KANK1: variants seen among roughly 807,000 people sequenced by gnomAD.
KANK1 encodes the protein KN motif and ankyrin repeat domain-containing protein 1.
Under a neutral mutation model 106.2 loss-of-function variants are expected in KANK1, and 109 were observed. That is an observed-to-expected ratio of 1.03 (90% CI 0.88 to 1.20). The LOEUF (loss-of-function observed/expected upper bound fraction) is 1.20, where lower values mean the gene tolerates loss of function less well. Ranked by LOEUF, KANK1 falls within the 50% of genes most tolerant of loss-of-function variation. The pLI, the probability that KANK1 is intolerant of heterozygous loss-of-function variation, is 0.00. For synonymous variants in KANK1, 873 were observed against 652.2 expected, an observed-to-expected ratio of 1.34 and a Z score of -5.16; for missense variants, 2,399 against 1,710.7, an observed-to-expected ratio of 1.40 and a Z score of -7.10.
chr9:484,814 G>C (rs2058263482), intron 3 of KANK1, among the ~76,000 whole-genome samples: 1 of 152,116 alleles, frequency 6.6e-6, no homozygotes, highest in African/African-American at 2.4e-5. Flanking sequence ...GCAGAGAGAA[G>C]GACTTTCTGG....
intron 1 of KANK1, among the ~76,000 whole-genome samples, chr9:536,931 G>T (rs2060331487): frequency 6.6e-6 from 1 of 152,144 alleles, no homozygotes; most frequent in South Asian, 2.1e-4. Context: ...GGGTGCATCT[G>T]TTCCACCTGG....
At position 638,058 on chromosome 9, in the gene KANK1, C is replaced by G. The variant is rs544126616; in HGVS notation, c.-83-38832C>G. ...CACATCCAGGTTACATACAGATGCA[C>G]ACTGTTTAATAGCCAAGCTTATGCA... On this transcript the variant is annotated intron_variant, in intron 1 of 11. Coordinates refer to ENST00000382297, the MANE Select transcript of KANK1 (RefSeq NM_015158.5). Among the ~76,000 whole-genome samples the G allele has an allele frequency of 1.5e-4, 23 of 152,294 alleles. 1 individual carries two copies. Among genetic ancestry groups the G allele is most frequent in the Middle Eastern group, 3.4e-3 (1 of 294 alleles).
intron 2 of KANK1, among the ~76,000 whole-genome samples, chr9:703,660 A>G (rs1417224010): frequency 6.6e-6 from 1 of 152,118 alleles, no homozygotes; most frequent in Admixed American, 6.5e-5. Context: ...CTGTTAGTCC[A>G]AAAAGGCTTA....
chr9:722,247 G>A (rs192573155), intron 3 of KANK1, among the ~76,000 whole-genome samples: 1 of 152,268 alleles, frequency 6.6e-6, no homozygotes, highest in Admixed American at 6.5e-5. Flanking sequence ...GACGGGCCCT[G>A]AATTCTATTT....
At chr9:548,663 A>T (rs903120589) in intron 1 of KANK1, among the ~76,000 whole-genome samples, 2 of 152,226 alleles carry the variant, frequency 1.3e-5, no homozygotes, top group Non-Finnish European at 2.9e-5. Flanking sequence ...GTGTGTATAG[A>T]AAAAATGAAA....
intron 1 of KANK1, among the ~76,000 whole-genome samples, chr9:590,271 A>G (rs968931270): frequency 2.6e-5 from 4 of 152,174 alleles, no homozygotes; most frequent in African/African-American, 9.7e-5. Context: ...CTTTGTTATT[A>G]TAGTCAGGGA....
chr9:595,999 C>T lies in KANK1; in HGVS notation c.-83-80891C>T, dbSNP rs377676827. On this transcript the variant is annotated intron_variant, in intron 1 of 11. Transcript: ENST00000382297. The stretch of plus-strand genomic sequence containing the variant: ...TATTTGCATATACATAATGAAATTC[C>T]TTGGGGATGAGACACAAGTCTAAAT... 3.3e-5 allele frequency among the ~76,000 whole-genome samples: 5 copies of T among 151,854 alleles called. No individual in the cohort carries two copies. In the East Asian group the frequency reaches 9.6e-4, roughly 29 times the overall value.
chr9:742,342 A>T lies in KANK1; in HGVS notation c.3834A>T (p.Gly1278=), dbSNP rs10733535. Residue 1278 remains glycine, a synonymous_variant, in exon 10 of 12, where the codon GGA becomes GGT. Coordinates refer to ENST00000382297, the MANE Select transcript of KANK1 (RefSeq NM_015158.5). The part of the protein sequence containing the change: ...STALMCASEH[G]HVEIVKLLLA... ...CCCTCATGTGTGCCAGCGAGCACGG[A>T]CACGTGGAGATTGTCAAGCTGCTGC... 1 of 1,614,190 alleles carries T rather than the reference A, an allele frequency of 6.2e-7. No individual in the cohort carries two copies. Among genetic ancestry groups the T allele is most frequent in the Admixed American group, 1.7e-5 (1 of 60,036 alleles).
At chr9:552,882 C>T (rs770049449) in intron 1 of KANK1, among the ~76,000 whole-genome samples, 3 of 152,290 alleles carry the variant, frequency 2.0e-5, no homozygotes, top group Non-Finnish European at 2.9e-5. Context: ...CAGTGGCTCA[C>T]GCCTGTAATC....
chr9:510,679 T>C (rs753435474), intron 1 of KANK1, among the ~76,000 whole-genome samples: 1 of 152,198 alleles, frequency 6.6e-6, no homozygotes, highest in African/African-American at 2.4e-5. Flanking sequence ...CTATTCTTTT[T>C]CTGGAAGATA....
At chr9:721,854 A>G (rs1297207345) in intron 3 of KANK1, among the ~76,000 whole-genome samples, 1 of 152,262 alleles carries the variant, frequency 6.6e-6, no homozygotes, top group Non-Finnish European at 1.5e-5. Context: ...GCATACGGTC[A>G]ACTTGAAGAC....
chr9:633,316 G>GAA (rs1836248873), intron 1 of KANK1, among the ~76,000 whole-genome samples: 1 of 151,782 alleles, frequency 6.6e-6, no homozygotes, highest in Non-Finnish European at 1.5e-5. Context: ...AAATTAGCCG[G>GAA]GCGTGGTGGC....
chr9:633,272 C>A (rs533034220), intron 1 of KANK1, among the ~76,000 whole-genome samples: 1 of 151,984 alleles, frequency 6.6e-6, no homozygotes, highest in African/African-American at 2.4e-5. Context: ...CCGGCTAACA[C>A]GGTGAAATCG....
intron 1 of KANK1, among the ~76,000 whole-genome samples, chr9:587,840 C>T (rs996108713): frequency 6.6e-6 from 1 of 152,158 alleles, no homozygotes; most frequent in Non-Finnish European, 1.5e-5. Context: ...CCAAGGCAGG[C>T]AGATCACTTG....
intron 3 of KANK1, among the ~76,000 whole-genome samples, chr9:474,478 C>T (rs1463834066): frequency 3.3e-5 from 5 of 152,186 alleles, no homozygotes; most frequent in African/African-American, 7.2e-5. Flanking sequence ...AAAAACTGAA[C>T]AAGGTGCCAG....
At chr9:586,922 C>T (rs771886127) in intron 1 of KANK1, among the ~76,000 whole-genome samples, 1 of 152,208 alleles carries the variant, frequency 6.6e-6, no homozygotes, top group Non-Finnish European at 1.5e-5. Context: ...GTAGCAGTCT[C>T]TAGTATTGAT....
chr9:497,260 G>A (rs573118189), intron 3 of KANK1, among the ~76,000 whole-genome samples: 1 of 152,286 alleles, frequency 6.6e-6, no homozygotes, highest in African/African-American at 2.4e-5. Context: ...GTATGACCAT[G>A]GGCAAGGGTG....
intron 1 of KANK1, among the ~76,000 whole-genome samples, chr9:557,209 T>A (rs1024205679): frequency 2.7e-5 from 4 of 149,648 alleles, no homozygotes; most frequent in Admixed American, 6.7e-5. Flanking sequence ...AAAAAAAAAA[T>A]TTATTCATTA....
intron 1 of KANK1, among the ~76,000 whole-genome samples, chr9:623,811 C>T (rs1833743195): frequency 6.6e-6 from 1 of 152,012 alleles, no homozygotes; most frequent in Admixed American, 6.6e-5. Context: ...TTGGTACAGC[C>T]ATTATGGACA....
Sources: allele counts gnomAD v4.1 joint callset (sites outside exome capture counted in the v4.1 genomes callset), GRCh38; gene constraint gnomAD v4.1.1; transcripts MANE v1.5; gene names NCBI Gene and HGNC (gene_info 2026-07-23, HGNC 2026-07-21).